The following WWOX variants were observed in gnomAD, a reference collection of about 807,000 sequenced individuals.
The protein encoded by WWOX is WW domain containing oxidoreductase.
Under a neutral mutation model 46.2 loss-of-function variants are expected in WWOX, and 69 were observed. The ratio of observed to expected loss-of-function variants is 1.49; its 90% confidence interval spans 1.23 to 1.82. The LOEUF (loss-of-function observed/expected upper bound fraction) is 1.82, where lower values mean the gene tolerates loss of function less well. Among genes scored for constraint, WWOX ranks in the 40% most tolerant of loss-of-function variants. The pLI is 0.00. For missense variants in WWOX, 919 were observed against 542.6 expected (o/e 1.69, Z -6.89); for synonymous variants, 359 against 202.6 (o/e 1.77, Z -6.56).
intron 8 of WWOX, among the ~76,000 whole-genome samples, chr16:78,747,473 A>T (rs946156325): frequency 9.9e-5 from 15 of 152,184 alleles, no homozygotes; most frequent in East Asian, 7.7e-4. Context: ...AGTGCTCATT[A>T]TGTGCCAGCG....
At chr16:78,851,028 G>A (rs978653242) in intron 8 of WWOX, among the ~76,000 whole-genome samples, 3 of 152,144 alleles carry the variant, frequency 2.0e-5, no homozygotes, top group Non-Finnish European at 4.4e-5. Flanking sequence ...ATTTTTTAAT[G>A]TATTACATGT....
chr16:78,650,942 C>T (rs753899387), intron 8 of WWOX, among the ~76,000 whole-genome samples: 1 of 152,212 alleles, frequency 6.6e-6, no homozygotes, highest in Non-Finnish European at 1.5e-5. Context: ...GGTTTATGTC[C>T]TAAAACCTTA....
At chr16:78,334,842 A>G (rs1303856728) in intron 5 of WWOX, among the ~76,000 whole-genome samples, 8 of 143,096 alleles carry the variant, frequency 5.6e-5, no homozygotes, top group African/African-American at 2.0e-4. Context: ...ATACACACAC[A>G]CACACACACA....
intron 8 of WWOX, among the ~76,000 whole-genome samples, chr16:79,154,791 C>G (rs1201151195): frequency 6.6e-6 from 1 of 152,114 alleles, no homozygotes; most frequent in African/African-American, 2.4e-5. Context: ...TTTTTAGGTC[C>G]TCATGAACCT....
At chr16:79,090,280 CGTGTGTGTGTGTGT>C (rs61538157) in intron 8 of WWOX, among the ~76,000 whole-genome samples, 13 of 138,378 alleles carry the variant, frequency 9.4e-5, no homozygotes, top group African/African-American at 3.2e-4. Flanking sequence ...CTACTGTGTG[CGTGTGTGTGTGTGT>C]GTGTGTGTGT....
intron 8 of WWOX, among the ~76,000 whole-genome samples, chr16:78,879,891 A>G (rs929656948): frequency 1.7e-5 from 2 of 118,830 alleles, no homozygotes; most frequent in African/African-American, 6.1e-5. Context: ...AAAAAAAAAG[A>G]AGAAGAAGAA....
At chr16:78,986,753 G>C (rs1231857166) in intron 8 of WWOX, among the ~76,000 whole-genome samples, 1 of 152,174 alleles carries the variant, frequency 6.6e-6, no homozygotes, top group Admixed American at 6.5e-5. Flanking sequence ...GCCATTTCTT[G>C]ATAGCTTCAG....
intron 8 of WWOX, among the ~76,000 whole-genome samples, chr16:79,025,519 C>A (rs1338703397): frequency 6.6e-6 from 1 of 151,994 alleles, no homozygotes; most frequent in South Asian, 2.1e-4. Context: ...GTGATTCCCC[C>A]ACAAGCCAGG....
intron 5 of WWOX, among the ~76,000 whole-genome samples, chr16:78,174,251 C>T (rs1297297709): frequency 6.6e-6 from 1 of 152,178 alleles, no homozygotes; most frequent in Non-Finnish European, 1.5e-5. Context: ...AAAGGCACTT[C>T]TTATATGGTG....
intron 5 of WWOX, among the ~76,000 whole-genome samples, chr16:78,260,569 G>C (rs914022327): frequency 6.6e-6 from 1 of 151,354 alleles, no homozygotes; most frequent in Non-Finnish European, 1.5e-5. Flanking sequence ...TTGGGAGGCT[G>C]AGGCAGGAGA....
At chr16:78,628,452 C>G (rs776542915) in intron 8 of WWOX, among the ~76,000 whole-genome samples, 1 of 152,096 alleles carries the variant, frequency 6.6e-6, no homozygotes, top group African/African-American at 2.4e-5. Context: ...CTATCAAGCT[C>G]CCAAGGGGAC....
At chr16:78,153,303 C>G (rs2034480836) in intron 4 of WWOX, among the ~76,000 whole-genome samples, 1 of 152,116 alleles carries the variant, frequency 6.6e-6, no homozygotes, top group Admixed American at 6.5e-5. Flanking sequence ...ATTTCAAGAT[C>G]ATCGTCAATG....
At chr16:78,194,691 G>A (rs2035992961) in intron 5 of WWOX, among the ~76,000 whole-genome samples, 1 of 151,764 alleles carries the variant, frequency 6.6e-6, no homozygotes, top group Non-Finnish European at 1.5e-5. Context: ...AATAGCAGCT[G>A]CTTCTTTTTG....
At chr16:79,085,037 C>T (rs772717914) in intron 8 of WWOX, among the ~76,000 whole-genome samples, 11 of 152,166 alleles carry the variant, frequency 7.2e-5, no homozygotes, top group East Asian at 3.9e-4. Flanking sequence ...GCAATCCTCC[C>T]GCCTCAGCCT....
Position 78,617,645 on chromosome 16 carries a change from C to T in WWOX, c.1056+184893C>T, listed in dbSNP as rs1597354578. On this transcript the variant is annotated intron_variant, in intron 8 of 8. Coordinates refer to ENST00000566780, the MANE Select transcript of WWOX (RefSeq NM_016373.4). ...CCAATCCCAAACTAGAAGTGAGTCC[C>T]CCTGCTCCTCAAGCTTGCATGGCGC... 2.6e-5 allele frequency among the ~76,000 whole-genome samples: 4 copies of T among 152,040 alleles called. No homozygotes were observed. In the South Asian group the frequency reaches 8.3e-4, roughly 32 times the overall value.
At chr16:78,785,736 A>T (rs1465609249) in intron 8 of WWOX, among the ~76,000 whole-genome samples, 2 of 152,214 alleles carry the variant, frequency 1.3e-5, no homozygotes. Flanking sequence ...TTTATTAAGA[A>T]GTAAGGCAAA....
intron 5 of WWOX, among the ~76,000 whole-genome samples, chr16:78,258,249 T>C (rs1005127003): frequency 6.6e-6 from 1 of 152,186 alleles, no homozygotes; most frequent in African/African-American, 2.4e-5. Flanking sequence ...AAAATTCCAC[T>C]GTTTATTTAA....
chr16:79,021,434 G>A (rs185170438), intron 8 of WWOX, among the ~76,000 whole-genome samples: 23 of 152,158 alleles, frequency 1.5e-4, no homozygotes, highest in Middle Eastern at 3.4e-3. Flanking sequence ...TAAAACGCAC[G>A]GGATCACAGA....
intron 8 of WWOX, among the ~76,000 whole-genome samples, chr16:78,478,728 T>C (rs1483396895): frequency 6.6e-6 from 1 of 152,264 alleles, no homozygotes; most frequent in African/African-American, 2.4e-5. Flanking sequence ...CCTGTGGTCC[T>C]TATGAATATG....
Sources: allele counts gnomAD v4.1 joint callset (sites outside exome capture counted in the v4.1 genomes callset), GRCh38; gene constraint gnomAD v4.1.1; transcripts MANE v1.5; gene names NCBI Gene and HGNC (gene_info 2026-07-23, HGNC 2026-07-21).